Variants in EIF2A observed in about 807,000 individuals in gnomAD.
EIF2A encodes eukaryotic translation initiation factor 2A.
A neutral mutation model predicts 75.2 loss-of-function variants in EIF2A; 62 were observed. That is an observed-to-expected ratio of 0.82 (90% confidence interval 0.67 to 1.02). The LOEUF is 1.02. Among genes scored for constraint, EIF2A ranks in the 50% least tolerant of loss-of-function variants. The pLI, the probability that EIF2A is intolerant of heterozygous loss-of-function variation, is 0.00. For synonymous variants in EIF2A, 207 were observed against 239.0 expected, an observed-to-expected ratio of 0.87 and a Z score of 1.23; for missense variants, 611 against 677.7, an observed-to-expected ratio of 0.90 and a Z score of 1.09.
At chr3:150,555,178 C>T (rs887142736) in intron 2 of EIF2A, among the ~76,000 whole-genome samples, 2 of 152,200 alleles carry the variant, frequency 1.3e-5, no homozygotes, top group Non-Finnish European at 2.9e-5. Context: ...ATCCAACCGC[C>T]TTGGCCTCCC....
At chr3:150,548,554 G>C (rs992427632) in intron 1 of EIF2A, among the ~76,000 whole-genome samples, 2 of 152,124 alleles carry the variant, frequency 1.3e-5, no homozygotes, top group African/African-American at 2.4e-5. Flanking sequence ...ACTGGTACTG[G>C]GCAAGCATTA....
chr3:150,553,901 A>C (rs1362185538), intron 2 of EIF2A, among the ~76,000 whole-genome samples: 1 of 152,190 alleles, frequency 6.6e-6, no homozygotes, highest in Non-Finnish European at 1.5e-5. Context: ...GTTCTGGCCA[A>C]TGAAAAGGCC....
At chr3:150,556,276 G>GTTA (rs1559875375) in intron 2 of EIF2A, among the ~76,000 whole-genome samples, 1 of 152,192 alleles carries the variant, frequency 6.6e-6, no homozygotes, top group African/African-American at 2.4e-5. Flanking sequence ...CTCCTGGTGA[G>GTTA]TTATTATACA....
chr3:150,552,892 A>T (rs960387876), intron 2 of EIF2A: 3 of 153,232 alleles, frequency 2.0e-5, no homozygotes, highest in African/African-American at 4.8e-5. Flanking sequence ...AAAACTAGTT[A>T]AAAATGCTTA....
Position 150,552,388 on chromosome 3 carries a change from G to A in EIF2A, c.61G>A (p.Gly21Arg). The A allele has an allele frequency of 9.0e-6, 14 of 1,553,260 alleles. No individual in the cohort carries two copies. Among genetic ancestry groups the A allele is most frequent in the Non-Finnish European group, 1.1e-5 (13 of 1,147,536 alleles). Reference protein sequence around the residue: ...RGSEGLYMVNGPPHFTESTVF... With the variant: ...RGSEGLYMVNRPPHFTESTVF... ...ATCAGAAGGACTGTACATGGTGAAT[G>A]GACCACCACATTTTACAGAAAGCAC... is the stretch of plus-strand genomic sequence containing the variant. Residue 21 changes from glycine (G) to arginine (R), a missense_variant, in exon 2 of 14, where the codon GGA becomes AGA. Gly to Arg is a moderately radical substitution (Grantham distance 125, BLOSUM62 -2). Coordinates refer to ENST00000460851, the MANE Select transcript of EIF2A (RefSeq NM_032025.5).
chr3:150,563,974 A>G (rs1036850482), intron 5 of EIF2A, among the ~76,000 whole-genome samples: 1 of 151,996 alleles, frequency 6.6e-6, no homozygotes, highest in Non-Finnish European at 1.5e-5. Flanking sequence ...ACGTGCCACC[A>G]TGCCTGGCTA....
intron 9 of EIF2A, among the ~76,000 whole-genome samples, chr3:150,569,990 T>A (rs1324639120): frequency 2.0e-5 from 3 of 152,166 alleles, no homozygotes; most frequent in Admixed American, 1.3e-4. Context: ...AAAATATTGA[T>A]CATTTAATAT....
intron 2 of EIF2A, among the ~76,000 whole-genome samples, chr3:150,557,271 G>T (rs767950197): frequency 4.6e-5 from 7 of 152,150 alleles, no homozygotes; most frequent in African/African-American, 7.2e-5. Flanking sequence ...GAAATGATAG[G>T]CCAAAACCTG....
intron 1 of EIF2A, 119 bp from the exon 2 acceptor site, chr3:150,552,237 G>T (rs1723352171): frequency 2.5e-6 from 2 of 793,044 alleles, no homozygotes; most frequent in Non-Finnish European, 4.0e-6. Context: ...ATAGTTCAAT[G>T]AAATATTTAA....
Position 150,568,005 on chromosome 3 carries a change from T to A in EIF2A, c.653T>A (p.Phe218Tyr). The change falls in exon 8 of 14, where the codon TTC (phenylalanine) becomes TAC (tyrosine). Residue 218 changes from phenylalanine to tyrosine, a missense_variant. Physicochemically the swap from Phe to Tyr is conservative, Grantham distance 22. Transcript: ENST00000460851. ...GPHAALANKS[F>Y]FKADKVTMLW... ...CATGCAGCTTTAGCTAATAAAAGTT[T>A]CTTTAAGGCAGATAAAGTTACAATG... 3.1e-6 allele frequency: 5 copies of A among 1,612,778 alleles called. No homozygotes were observed. Among genetic ancestry groups the A allele is most frequent in the Non-Finnish European group, 4.2e-6 (5 of 1,179,552 alleles).
intron 12 of EIF2A, 30 bp downstream of exon 12, chr3:150,581,776 T>C (rs1263613513): frequency 4.5e-6 from 7 of 1,552,816 alleles, no homozygotes. Flanking sequence ...ATGTGCATAT[T>C]GAAAGGTATA....
At chr3:150,560,662 A>G (rs992523023) in intron 3 of EIF2A, among the ~76,000 whole-genome samples, 11 of 151,424 alleles carry the variant, frequency 7.3e-5, no homozygotes, top group Admixed American at 5.3e-4. Flanking sequence ...TATCTTCCTC[A>G]AACCTGAGTA....
At chr3:150,551,327 A>G (rs1047601583) in intron 1 of EIF2A, among the ~76,000 whole-genome samples, 2 of 152,172 alleles carry the variant, frequency 1.3e-5, no homozygotes, top group African/African-American at 2.4e-5. Context: ...CCAATGTTCA[A>G]CACAGGGCCT....
intron 2 of EIF2A, among the ~76,000 whole-genome samples, chr3:150,554,983 A>G (rs1319893711): frequency 6.6e-6 from 1 of 152,018 alleles, no homozygotes; most frequent in African/African-American, 2.4e-5. Context: ...GCTAGAATGG[A>G]GTGGTGTAAT....
chr3:150,581,106 AGAGGTCT>A (rs540819529), intron 11 of EIF2A, among the ~76,000 whole-genome samples: 104 of 152,364 alleles, frequency 6.8e-4, no homozygotes, highest in African/African-American at 2.4e-3. Context: ...AAAAGTTATC[AGAGGTCT>A]GATCATATTG....
intron 2 of EIF2A, 72 bp downstream of exon 2, chr3:150,552,497 T>C (rs1723366030): frequency 7.7e-7 from 1 of 1,293,702 alleles, no homozygotes; most frequent in Non-Finnish European, 1.1e-6. Flanking sequence ...GTTGGTGGTG[T>C]ATTTTGAACA....
chr3:150,577,853 A>C (rs1467471072), intron 11 of EIF2A, among the ~76,000 whole-genome samples: 2 of 152,228 alleles, frequency 1.3e-5, no homozygotes, highest in Non-Finnish European at 2.9e-5. Flanking sequence ...GAATTGTATT[A>C]TGCAACCATA....
At chr3:150,563,199 A>T (rs1723984125) in intron 4 of EIF2A, among the ~76,000 whole-genome samples, 2 of 152,158 alleles carry the variant, frequency 1.3e-5, no homozygotes, top group African/African-American at 4.8e-5. Flanking sequence ...AATAATGTTG[A>T]TATTTTTGAA....
At chr3:150,554,171 T>C (rs1435973610) in intron 2 of EIF2A, among the ~76,000 whole-genome samples, 1 of 152,194 alleles carries the variant, frequency 6.6e-6, no homozygotes, top group African/African-American at 2.4e-5. Flanking sequence ...TTAAGAATTA[T>C]GAATAGAAAG....
Sources: gnomAD v4.1 joint callset for allele counts (sites outside exome capture counted in the v4.1 genomes callset) on GRCh38, gnomAD v4.1.1 for gene constraint, MANE v1.5 for transcripts, NCBI Gene and HGNC (gene_info 2026-07-23, HGNC 2026-07-21) for gene names.